The following UNC13C variants were observed in gnomAD, a reference collection of about 807,000 sequenced individuals.
UNC13C encodes the protein protein unc-13 homolog C.
A neutral mutation model predicts 245.4 loss-of-function variants in UNC13C; 174 were observed. The observed-to-expected ratio is 0.71, with a 90% CI of 0.63 to 0.80. The LOEUF (loss-of-function observed/expected upper bound fraction) is 0.80, where lower values mean the gene tolerates loss of function less well. UNC13C is among the 30% of genes least tolerant of loss of function. The probability of loss-of-function intolerance (pLI) is 0.00; values close to 1 mark genes in which losing one functional copy is unlikely to be tolerated. For synonymous variants in UNC13C, 992 were observed against 895.1 expected (o/e 1.11, Z -1.93); for missense variants, 2,829 against 2,602.9 (o/e 1.09, Z -1.89).
intron 2 of UNC13C, among the ~76,000 whole-genome samples, chr15:54,140,086 AT>A (rs2031941580): frequency 6.6e-6 from 1 of 152,056 alleles, no homozygotes; most frequent in South Asian, 2.1e-4. Context: ...AATTATTAAT[AT>A]TTTTATAGAT....
chr15:54,378,902 G>C (rs1596305104), intron 17 of UNC13C, among the ~76,000 whole-genome samples: 1 of 151,960 alleles, frequency 6.6e-6, no homozygotes, highest in East Asian at 1.9e-4. Context: ...AAACCACTTA[G>C]AGTGCTCAAA....
chr15:54,108,260 C>T (rs991739473), intron 2 of UNC13C, among the ~76,000 whole-genome samples: 18 of 152,038 alleles, frequency 1.2e-4, no homozygotes, highest in Admixed American at 1.0e-3. Context: ...GATCTTGGCT[C>T]GCTGCAATCT....
chr15:54,203,828 G>GTATATACACATA lies in UNC13C; in HGVS notation c.3072-31201_3072-31190dup, dbSNP rs1318202496. On this transcript the variant is annotated intron_variant, in intron 4 of 32. Transcript: ENST00000260323. Reference sequence around the variant, plus strand: ...TATGTCTGTGTATATATACGTGTATGTATATACACATACATATACACGTAT... The same window carrying GTATATACACATA: ...TATGTCTGTGTATATATACGTGTATGTATATACACATATATATACACATACATATACACGTAT... Among the ~76,000 whole-genome samples, 7 of 44,170 alleles carry GTATATACACATA rather than the reference G, an allele frequency of 1.6e-4. No individual in the cohort carries two copies. In the East Asian group the frequency reaches 2.7e-3, roughly 17 times the overall value. The allele number at this position is 44,170 out of a possible 152,430, so 29.0% of individuals were successfully genotyped here. A position where few individuals can be genotyped will look rare whatever the true frequency, so the allele number is the denominator to read the frequency against.
intron 26 of UNC13C, among the ~76,000 whole-genome samples, chr15:54,535,201 A>G (rs377146895): frequency 6.6e-6 from 1 of 152,150 alleles, no homozygotes; most frequent in African/African-American, 2.4e-5. Flanking sequence ...TGGAAAACAA[A>G]AAAGAGCAGG....
At chr15:54,450,218 G>A (rs566896485) in intron 19 of UNC13C, among the ~76,000 whole-genome samples, 8 of 152,260 alleles carry the variant, frequency 5.3e-5, no homozygotes, top group African/African-American at 9.6e-5. Flanking sequence ...CTCGGGGGTC[G>A]GGGACCCACT....
chr15:54,455,207 A>G (rs11638303), intron 19 of UNC13C, among the ~76,000 whole-genome samples: 4 of 19,006 alleles, frequency 2.1e-4, no homozygotes, highest in African/African-American at 6.0e-4. Context: ...CTCTCTCTCT[A>G]TATATATATA....
intron 1 of UNC13C, among the ~76,000 whole-genome samples, 26 bp downstream of exon 1, chr15:53,978,953 A>G (rs1893813316): frequency 6.6e-6 from 1 of 152,128 alleles, no homozygotes; most frequent in Non-Finnish European, 1.5e-5. Context: ...CGTTGCACGC[A>G]CTGCTTCATC....
In UNC13C at chr15:54,101,306, G is replaced by A. The variant is rs189420588; in HGVS notation, c.2984-41712G>A. 2.1e-3 allele frequency among the ~76,000 whole-genome samples: 313 copies of A among 151,780 alleles called. 2 individuals carry two copies. Among genetic ancestry groups the A allele is most frequent in the African/African-American group, 7.3e-3 (302 of 41,396 alleles). ...ACAGGCTATTACTATTTTTACTGCC[G>A]CTCTGCTGCTATTTCTCTGCCTCTG... On this transcript the variant is annotated intron_variant, in intron 2 of 32. Coordinates refer to ENST00000260323, the MANE Select transcript of UNC13C (RefSeq NM_001080534.3).
At chr15:54,169,156 T>G (rs987258539) in intron 4 of UNC13C, among the ~76,000 whole-genome samples, 3 of 152,102 alleles carry the variant, frequency 2.0e-5, no homozygotes, top group African/African-American at 7.2e-5. Flanking sequence ...TGCTTAAAAG[T>G]TTTTCAAATT....
At chr15:54,009,121 A>G (rs962760583) in intron 1 of UNC13C, among the ~76,000 whole-genome samples, 10 of 152,218 alleles carry the variant, frequency 6.6e-5, no homozygotes, top group Admixed American at 3.9e-4. Context: ...TATCACACAC[A>G]CATACAGTAG....
intron 19 of UNC13C, among the ~76,000 whole-genome samples, chr15:54,440,722 G>A (rs961203051): frequency 6.6e-6 from 1 of 151,814 alleles, no homozygotes; most frequent in African/African-American, 2.4e-5. Context: ...TAGATTTTGG[G>A]GAAATCTCTA....
chr15:54,347,020 C>A (rs1055898043), intron 17 of UNC13C, among the ~76,000 whole-genome samples: 2 of 151,960 alleles, frequency 1.3e-5, no homozygotes, highest in African/African-American at 4.8e-5. Flanking sequence ...ACCTGTAATC[C>A]GAAGGTTATT....
At chr15:54,531,587 G>C (rs752591744) in intron 25 of UNC13C, among the ~76,000 whole-genome samples, 1 of 152,000 alleles carries the variant, frequency 6.6e-6, no homozygotes, top group Non-Finnish European at 1.5e-5. Context: ...AGCCGAGAAG[G>C]TGTGGAGTCA....
At chr15:53,876,599 T>G in the UNC13C span, among the ~76,000 whole-genome samples, 1 of 152,330 alleles carries the variant, frequency 6.6e-6, no homozygotes, top group Non-Finnish European at 1.5e-5. Flanking sequence ...GAGCAGGAAC[T>G]TCTGTTTATG....
chr15:53,989,883 T>C (rs1192547218), intron 1 of UNC13C, among the ~76,000 whole-genome samples: 1 of 152,044 alleles, frequency 6.6e-6, no homozygotes, highest in Non-Finnish European at 1.5e-5. Flanking sequence ...TCTCAGAGTT[T>C]GGAGATCTCT....
chr15:54,457,466 TTGAA>T lies in UNC13C; in HGVS notation c.4934-37139_4934-37136del, dbSNP rs375269697. On this transcript the variant is annotated intron_variant, in intron 19 of 32. Transcript: ENST00000260323. ...GAGTGGGATTGGTACCCATTCTTCT[TTGAA>T]TGTCTTATAGAATTCAGCTGTGAAT... Among the ~76,000 whole-genome samples, 476 of 152,304 alleles carry T rather than the reference TTGAA, an allele frequency of 3.1e-3. 2 individuals are homozygous for T. Among genetic ancestry groups the T allele is most frequent in the African/African-American group, 0.011 (463 of 41,580 alleles).
intron 30 of UNC13C, among the ~76,000 whole-genome samples, chr15:54,597,923 C>A (rs1437817344): frequency 6.6e-6 from 1 of 152,126 alleles, no homozygotes; most frequent in Non-Finnish European, 1.5e-5. Flanking sequence ...TCCAGGGATA[C>A]AAACTTTGTC....
At chr15:54,118,812 T>C (rs1275137280) in intron 2 of UNC13C, among the ~76,000 whole-genome samples, 1 of 152,094 alleles carries the variant, frequency 6.6e-6, no homozygotes, top group African/African-American at 2.4e-5. Flanking sequence ...AGGTATGTTT[T>C]TTCTATACTC....
intron 19 of UNC13C, among the ~76,000 whole-genome samples, chr15:54,419,976 C>A (rs1353790698): frequency 1.3e-5 from 2 of 152,064 alleles, no homozygotes; most frequent in African/African-American, 4.8e-5. Flanking sequence ...TTCTCTCTCC[C>A]TCTTACAACA....
Sources: allele counts gnomAD v4.1 joint callset (sites outside exome capture counted in the v4.1 genomes callset), GRCh38; gene constraint gnomAD v4.1.1; transcripts MANE v1.5; gene names NCBI Gene and HGNC (gene_info 2026-07-23, HGNC 2026-07-21).